ZNF84: variants seen among roughly 807,000 people sequenced by gnomAD.
ZNF84 encodes the protein zinc finger protein 84, also known as zinc finger protein HPF2.
In ZNF84, 12 loss-of-function variants were observed where a neutral mutation model predicts 14.8. That is an observed-to-expected ratio of 0.81 (90% confidence interval 0.52 to 1.31). The LOEUF (loss-of-function observed/expected upper bound fraction) is 1.31. Among genes scored for constraint, ZNF84 ranks in the 50% most tolerant of loss-of-function variants. The probability of loss-of-function intolerance (pLI) is 0.00; values close to 1 mark genes in which losing one functional copy is unlikely to be tolerated. For synonymous variants in ZNF84, 347 were observed against 291.1 expected (o/e 1.19, Z -1.96); for missense variants, 859 against 878.6 (o/e 0.98, Z 0.28).
intron 1 of ZNF84, chr12:133,038,968 A>G (rs1050470834): frequency 1.1e-4 from 17 of 152,220 alleles, no homozygotes; most frequent in Non-Finnish European, 1.9e-4. Context: ...CATTGTATGA[A>G]AAATATCACA....
At chr12:133,044,317 ATTTTTTTT>A (rs11326247) in intron 2 of ZNF84, among the ~76,000 whole-genome samples, 3 of 140,230 alleles carry the variant, frequency 2.1e-5, no homozygotes, top group Non-Finnish European at 4.6e-5. Flanking sequence ...GCTAGTTTAA[ATTTTTTTT>A]TTTTTTTTTG....
chr12:133,063,265 T>G lies in ZNF84; in HGVS notation c.*4333T>G, dbSNP rs1314539198. Reference sequence around the variant, plus strand: ...ATTGTTGAATTCTTCTGTGAGATACTCCAAATATCCTAATAAATTCTCATG... The same window carrying G: ...ATTGTTGAATTCTTCTGTGAGATACGCCAAATATCCTAATAAATTCTCATG... On this transcript the variant is annotated 3_prime_UTR_variant, in exon 5 of 5. Coordinates refer to ENST00000539354, the MANE Select transcript of ZNF84 (RefSeq NM_001289971.2). The G allele has an allele frequency of 2.8e-6, 2 of 702,032 alleles. No homozygotes were observed. Among genetic ancestry groups the G allele is most frequent in the African/African-American group, 3.5e-5 (2 of 57,232 alleles). 43.5% of individuals were successfully genotyped at this position (702,032 alleles called of 1,614,324 possible). A position where few individuals can be genotyped will look rare whatever the true frequency, so the allele number is the denominator to read the frequency against.
At chr12:133,056,333 A>G (rs1258949545) in intron 4 of ZNF84, among the ~76,000 whole-genome samples, 1 of 151,884 alleles carries the variant, frequency 6.6e-6, no homozygotes, top group African/African-American at 2.4e-5. Flanking sequence ...GGCTCACTGC[A>G]ATCTCCGCCT....
chr12:133,048,869 C>A, intron 4 of ZNF84, 21 bp downstream of exon 4: 1 of 1,589,856 alleles, frequency 6.3e-7, no homozygotes, highest in Non-Finnish European at 8.6e-7. Context: ...GAGAACCAGG[C>A]AGATGGGAGA....
At chr12:133,039,988 T>C (rs10870576) in intron 1 of ZNF84, among the ~76,000 whole-genome samples, 124,021 of 151,840 alleles carry the variant, frequency 0.82, 50,789 homozygotes, top group East Asian at 0.95. Flanking sequence ...AGCTTACAGG[T>C]GCATGCCACC....
intron 1 of ZNF84, chr12:133,039,191 A>G (rs1239611645): frequency 6.6e-6 from 1 of 152,248 alleles, no homozygotes; most frequent in Non-Finnish European, 1.5e-5. Flanking sequence ...CATTTCTTGT[A>G]TAACTGGGAG....
chr12:133,051,111 G>GTT (rs1351421846), intron 4 of ZNF84, among the ~76,000 whole-genome samples: 4 of 119,222 alleles, frequency 3.4e-5, no homozygotes, highest in African/African-American at 1.5e-4. Context: ...TTTGTTTTTT[G>GTT]GTTTTTTTTT....
In ZNF84 at chr12:133,060,758, C is replaced by G. The variant is rs1954247900; in HGVS notation, c.*1826C>G. 1 of 152,196 alleles carries G rather than the reference C, an allele frequency of 6.6e-6. No homozygotes were observed. The highest frequency in any genetic ancestry group is 1.5e-5 in the Non-Finnish European group (1 of 68,032). 9.4% of individuals were successfully genotyped at this position (152,196 alleles called of 1,614,324 possible). On this transcript the variant is annotated 3_prime_UTR_variant, in exon 5 of 5. Transcript: ENST00000539354. ...CTAGTTGCATTATCCCCATGGAAAA[C>G]TTCACATTGAGAACTTACCATTATA...
intron 3 of ZNF84, 67 bp downstream of exon 3, chr12:133,048,148 G>A (rs1954015023): frequency 6.7e-7 from 1 of 1,483,964 alleles, no homozygotes; most frequent in African/African-American, 1.4e-5. Context: ...TTAGTTGCTG[G>A]GAAGTTTCAG....
At position 133,057,640 on chromosome 12, in the gene ZNF84, C is replaced by T; in HGVS notation, c.925C>T (p.His309Tyr). The T allele has an allele frequency of 6.2e-7, 1 of 1,614,122 alleles. No individual in the cohort carries two copies. The highest frequency in any genetic ancestry group is 8.5e-7 in the Non-Finnish European group (1 of 1,180,036). Residue 309 changes from histidine to tyrosine, a missense_variant, in exon 5 of 5, where the codon CAT becomes TAT. By Grantham distance (83) the His-to-Tyr change is moderately conservative. Coordinates refer to ENST00000539354, the MANE Select transcript of ZNF84 (RefSeq NM_001289971.2). Reference sequence around the variant, plus strand: ...CTCCCGGAAGTCACATCTCATATCGCATTGGAGAACACACACAGGAGAGAA... The same window carrying T: ...CTCCCGGAAGTCACATCTCATATCGTATTGGAGAACACACACAGGAGAGAA... The part of the protein sequence containing the change: ...AFSRKSHLIS[H>Y]WRTHTGEKPY...
chr12:133,048,014 G>A lies in ZNF84; in HGVS notation c.75G>A (p.Leu25=). The A allele has an allele frequency of 2.5e-6, 4 of 1,614,030 alleles. No homozygotes were observed. The highest frequency in any genetic ancestry group is 3.4e-6 in the Non-Finnish European group (4 of 1,179,944). Residue 25 remains leucine (L), a synonymous_variant, in exon 3 of 5, where the codon CTG becomes CTA. Transcript: ENST00000539354. ...VDFTQKEWQL[L]DPSQKNLYKD... is the part of the protein sequence containing the mutation. ...TCACCCAAAAGGAGTGGCAGCTACT[G>A]GATCCCTCTCAGAAGAATTTATACA...
Position 133,063,285 on chromosome 12 carries a change from C to A in ZNF84, c.*4353C>A. Reference sequence around the variant, plus strand: ...GATACTCCAAATATCCTAATAAATTCTCATGTTTGCTTCATCTGGCTCAAG... The same window carrying A: ...GATACTCCAAATATCCTAATAAATTATCATGTTTGCTTCATCTGGCTCAAG... On this transcript the variant is annotated 3_prime_UTR_variant, in exon 5 of 5. Transcript: ENST00000539354. 2 of 701,066 alleles carry A rather than the reference C, an allele frequency of 2.9e-6. No homozygotes were observed. The highest frequency in any genetic ancestry group is 5.2e-6 in the Non-Finnish European group (2 of 383,950). 43.4% of individuals were successfully genotyped at this position (701,066 alleles called of 1,614,324 possible).
At chr12:133,053,630 C>A (rs1052914537) in intron 4 of ZNF84, among the ~76,000 whole-genome samples, 17 of 152,278 alleles carry the variant, frequency 1.1e-4, no homozygotes, top group African/African-American at 3.6e-4. Context: ...GTAGTCCCAG[C>A]TACTCAGGAG....
At chr12:133,056,299 G>A (rs1000003753) in intron 4 of ZNF84, among the ~76,000 whole-genome samples, 16 of 151,576 alleles carry the variant, frequency 1.1e-4, no homozygotes. Flanking sequence ...TGTTACCCAG[G>A]CTGGAGTGCA....
chr12:133,052,609 A>G (rs2137394228), intron 4 of ZNF84, among the ~76,000 whole-genome samples: 1 of 152,338 alleles, frequency 6.6e-6, no homozygotes, highest in South Asian at 2.1e-4. Context: ...TGCTGAGATT[A>G]CAGACGTGGG....
At chr12:133,042,439 C>T (rs1194595205) in intron 2 of ZNF84, among the ~76,000 whole-genome samples, 6 of 151,576 alleles carry the variant, frequency 4.0e-5, no homozygotes, top group South Asian at 2.1e-4. Context: ...ACTTGTATTA[C>T]ACTATGTTGT....
At position 133,057,496 on chromosome 12, in the gene ZNF84, A is replaced by G. The variant is rs944613069; in HGVS notation, c.781A>G (p.Lys261Glu). Residue 261 changes from lysine to glutamate, a missense_variant, in exon 5 of 5, where the codon AAA (lysine) becomes GAA (glutamate). Transcript: ENST00000539354. ...ITHHRTHTGE[K>E]PYNCSQCGKA... ...ACATCACAGAACTCATACAGGAGAAAAACCTTATAATTGTAGCCAGTGTGG... is the reference window on the plus strand; with the variant it reads ...ACATCACAGAACTCATACAGGAGAAGAACCTTATAATTGTAGCCAGTGTGG... 8.7e-6 allele frequency: 14 copies of G among 1,614,132 alleles called. No homozygotes were observed. The highest frequency in any genetic ancestry group is 5.3e-5 in the African/African-American group (4 of 74,946).
In ZNF84 at chr12:133,058,479, C is replaced by A; in HGVS notation, c.1764C>A (p.Thr588=). 1 of 1,613,412 alleles carries A rather than the reference C, an allele frequency of 6.2e-7. No homozygotes were observed. Among genetic ancestry groups the A allele is most frequent in the Non-Finnish European group, 8.5e-7 (1 of 1,179,816 alleles). Residue 588 remains threonine (T), a synonymous_variant, in exon 5 of 5, where the codon ACC becomes ACA. Coordinates refer to ENST00000539354, the MANE Select transcript of ZNF84 (RefSeq NM_001289971.2). ...KAFSQKSQLN[T]HQRIHTGEKP... Reference sequence around the variant, plus strand: ...TCTCCCAGAAATCACAGCTAAATACCCATCAGAGAATTCACACTGGAGAGA... The same window carrying A: ...TCTCCCAGAAATCACAGCTAAATACACATCAGAGAATTCACACTGGAGAGA...
chr12:133,063,182 A>C lies in ZNF84; in HGVS notation c.*4250A>C, dbSNP rs1332136750. 1.4e-6 allele frequency: 1 copy of C among 702,264 alleles called. No individual in the cohort carries two copies. Among genetic ancestry groups the C allele is most frequent in the Non-Finnish European group, 2.6e-6 (1 of 384,844 alleles). The allele number at this position is 702,264 out of a possible 1,614,324, so 43.5% of individuals were successfully genotyped here. A position where few individuals can be genotyped will look rare whatever the true frequency, so the allele number is the denominator to read the frequency against. ...CAAGAAAGAGTCCCGATTGTGTTCC[A>C]GTACCTGGTTCTTCTGGTCTTCATG... On this transcript the variant is annotated 3_prime_UTR_variant, in exon 5 of 5. Transcript: ENST00000539354.
Sources: allele counts gnomAD v4.1 joint callset (sites outside exome capture counted in the v4.1 genomes callset), GRCh38; gene constraint gnomAD v4.1.1; transcripts MANE v1.5; gene names NCBI Gene and HGNC (gene_info 2026-07-23, HGNC 2026-07-21).